Variants in SOX5 observed in about 807,000 individuals in gnomAD.
The protein encoded by SOX5 is SRY-box transcription factor 5.
SOX5 carries 9 observed loss-of-function variants against 92.0 expected under a neutral mutation model. The ratio of observed to expected loss-of-function variants is 0.10; its 90% CI spans 0.06 to 0.17. The LOEUF (loss-of-function observed/expected upper bound fraction) is 0.17, where lower values mean the gene tolerates loss of function less well. SOX5 is among the 10% of genes least tolerant of loss of function. The pLI is 1.00. For missense variants in SOX5, 642 were observed against 944.5 expected, an observed-to-expected ratio of 0.68 and a Z score of 4.20; for synonymous variants, 344 against 336.3, an observed-to-expected ratio of 1.02 and a Z score of -0.25.
At chr12:23,734,903 T>G in intron 5 of SOX5, 151 bp from the exon 6 acceptor site, 1 of 601,792 alleles carries the variant, frequency 1.7e-6, no homozygotes, top group Non-Finnish European at 2.9e-6. Context: ...CAATTCATCC[T>G]AAATAAGATC....
intron 13 of SOX5, 42 bp downstream of exon 13, chr12:23,543,169 C>T: frequency 1.9e-6 from 3 of 1,549,522 alleles, no homozygotes; most frequent in Non-Finnish European, 2.7e-6. Context: ...CAGAACAGTA[C>T]CTTTATTCCA....
intron 3 of SOX5, among the ~76,000 whole-genome samples, chr12:24,273,314 C>G (rs940617068): frequency 6.6e-6 from 1 of 152,142 alleles, no homozygotes; most frequent in East Asian, 1.9e-4. Context: ...TCATCTTGGT[C>G]AAGATTTTGC....
intron 2 of SOX5, among the ~76,000 whole-genome samples, chr12:24,286,179 C>G (rs1280715745): frequency 1.3e-5 from 2 of 152,030 alleles, no homozygotes; most frequent in East Asian, 3.9e-4. Context: ...TGAGACGTGA[C>G]AGTAAAAAAA....
At position 23,665,478 on chromosome 12, in the gene SOX5, G is replaced by C; in HGVS notation, c.897C>G (p.Leu299=). ...CCTTATAGCTGAAGCCTGGAGGGAG[G>C]AGGAATCCTTGCTGGGCAGCTGCAG... The part of the protein sequence containing the change: ...TLAAAAQQGF[L]LPPGFSYKAG... The change falls in exon 7 of 15, where the codon CTC becomes CTG. Residue 299 remains leucine (L), a synonymous_variant. Transcript: ENST00000451604. 1 of 1,613,618 alleles carries C rather than the reference G, an allele frequency of 6.2e-7. No individual in the cohort carries two copies. The highest frequency in any genetic ancestry group is 2.2e-5 in the East Asian group (1 of 44,862).
chr12:24,327,768 GTT>G (rs1448901545), intron 2 of SOX5, among the ~76,000 whole-genome samples: 26 of 151,628 alleles, frequency 1.7e-4, no homozygotes, highest in South Asian at 2.1e-4. Context: ...ATGTGTGTGT[GTT>G]TTTAGTAGAT....
At chr12:24,387,376 A>G (rs147958867) in intron 1 of SOX5, among the ~76,000 whole-genome samples, 1 of 152,290 alleles carries the variant, frequency 6.6e-6, no homozygotes, top group East Asian at 1.9e-4. Context: ...TTTAAAGCTC[A>G]TCATCTATCG....
chr12:24,326,791 T>TAC (rs10527019), intron 2 of SOX5, among the ~76,000 whole-genome samples: 82 of 148,848 alleles, frequency 5.5e-4, no homozygotes, highest in African/African-American at 1.8e-3. Context: ...TACACACACA[T>TAC]ACACACACAC....
chr12:23,563,804 A>C (rs1946616865), intron 10 of SOX5, among the ~76,000 whole-genome samples: 1 of 152,178 alleles, frequency 6.6e-6, no homozygotes, highest in African/African-American at 2.4e-5. Flanking sequence ...TTAGGTATTC[A>C]TAATTATGAC....
At chr12:24,548,354 C>G (rs1222773032) in intron 1 of SOX5, among the ~76,000 whole-genome samples, 2 of 152,110 alleles carry the variant, frequency 1.3e-5, no homozygotes, top group Non-Finnish European at 2.9e-5. Flanking sequence ...AGATATTCAG[C>G]TAGTATATTT....
chr12:23,640,910 A>G lies in SOX5; in HGVS notation c.932-13T>C, dbSNP rs368253212. 1.3e-5 allele frequency: 21 copies of G among 1,583,246 alleles called. 1 individual carries two copies. Among genetic ancestry groups the G allele is most frequent in the Middle Eastern group, 1.7e-4 (1 of 6,000 alleles). On this transcript the variant is annotated splice_polypyrimidine_tract_variant and intron_variant, in intron 7 of 14. Coordinates refer to ENST00000451604, the MANE Select transcript of SOX5 (RefSeq NM_006940.6). The stretch of plus-strand genomic sequence containing the variant: ...GGGTAAGGGTCACCTAAGTAAGAGA[A>G]TAATAGAGGCGTCAGCACCTTTTAT...
intron 4 of SOX5, among the ~76,000 whole-genome samples, chr12:24,059,139 G>A (rs1939173246): frequency 6.6e-6 from 1 of 152,064 alleles, no homozygotes; most frequent in Admixed American, 6.5e-5. Context: ...TATACTGTAT[G>A]CATATTACAT....
At chr12:24,043,753 G>C (rs1441709128) in intron 4 of SOX5, among the ~76,000 whole-genome samples, 1 of 152,070 alleles carries the variant, frequency 6.6e-6, no homozygotes, top group African/African-American at 2.4e-5. Context: ...TCATAAAATT[G>C]TAAATATAAG....
intron 3 of SOX5, among the ~76,000 whole-genome samples, chr12:24,260,618 C>T (rs1260729013): frequency 6.6e-6 from 1 of 152,070 alleles, no homozygotes; most frequent in African/African-American, 2.4e-5. Flanking sequence ...GTAGTGATAT[C>T]TTTTTCTTAT....
In SOX5 at chr12:24,516,131, C is replaced by T. The variant is rs149696505; in HGVS notation, c.-251+46198G>A. 3.9e-3 allele frequency among the ~76,000 whole-genome samples: 584 copies of T among 151,688 alleles called. 1 individual carries two copies. The highest frequency in any genetic ancestry group is 0.013 in the African/African-American group (534 of 41,322). On this transcript the variant is annotated intron_variant, in intron 1 of 4. Transcript: ENST00000446891. ...GATCATAGCTCACTGCAGCCTCAAC[C>T]TTCCGGGCTAAAGCGATCCTCCCAC...
chr12:24,237,555 G>A (rs2728835), intron 3 of SOX5, among the ~76,000 whole-genome samples: 17,982 of 149,554 alleles, frequency 0.12, 1,309 homozygotes, highest in Admixed American at 0.18. Flanking sequence ...AACCTAAAAT[G>A]TGAATAAACT....
chr12:23,532,207 A>AAAAC lies in SOX5; in HGVS notation c.*2008_*2011dup, dbSNP rs933352620. 2 of 152,044 alleles carry AAAAC rather than the reference A, an allele frequency of 1.3e-5. No individual in the cohort carries two copies. The highest frequency in any genetic ancestry group is 4.8e-5 in the African/African-American group (2 of 41,406). The allele number at this position is 152,044 out of a possible 1,614,324, so 9.4% of individuals were successfully genotyped here. A position where few individuals can be genotyped will look rare whatever the true frequency, so the allele number is the denominator to read the frequency against. The stretch of plus-strand genomic sequence containing the variant: ...AAGTCATCAAAAACAAACAAACAGA[A>AAAAC]AAACAAACAAAATGAAATCTCTGAC... On this transcript the variant is annotated 3_prime_UTR_variant, in exon 15 of 15. Coordinates refer to ENST00000451604, the MANE Select transcript of SOX5 (RefSeq NM_006940.6).
chr12:24,037,351 A>AT (rs1298455435), intron 4 of SOX5, among the ~76,000 whole-genome samples: 3 of 152,216 alleles, frequency 2.0e-5, no homozygotes, highest in Non-Finnish European at 4.4e-5. Context: ...TGGTATTGTC[A>AT]TTGAGAGCAC....
intron 1 of SOX5, among the ~76,000 whole-genome samples, chr12:24,512,662 C>G (rs893754005): frequency 6.6e-6 from 1 of 152,176 alleles, no homozygotes; most frequent in Non-Finnish European, 1.5e-5. Flanking sequence ...CTTTGCTGCC[C>G]ACTAAACAGA....
intron 4 of SOX5, among the ~76,000 whole-genome samples, chr12:23,743,934 A>G (rs2093892916): frequency 6.6e-6 from 1 of 152,194 alleles, no homozygotes; most frequent in South Asian, 2.1e-4. Flanking sequence ...TATATGAAAG[A>G]TTAACAAAAT....
Sources: allele counts gnomAD v4.1 joint callset (sites outside exome capture counted in the v4.1 genomes callset), GRCh38; gene constraint gnomAD v4.1.1; transcripts MANE v1.5; gene names NCBI Gene and HGNC (gene_info 2026-07-23, HGNC 2026-07-21).